The following LHPP variants were observed in gnomAD, a reference collection of about 807,000 sequenced individuals.
The protein encoded by LHPP is phospholysine phosphohistidine inorganic pyrophosphate phosphatase, also known as hLHPP.
A neutral mutation model predicts 30.3 loss-of-function variants in LHPP; 24 were observed. The ratio of observed to expected loss-of-function variants is 0.79; its 90% CI spans 0.57 to 1.11. LHPP has a LOEUF of 1.11. Ranked by LOEUF, LHPP falls within the 50% of genes most tolerant of loss-of-function variation. The pLI is 0.00. For missense variants in LHPP, 356 were observed against 367.2 expected (o/e 0.97, Z 0.25); for synonymous variants, 150 against 157.1 (o/e 0.95, Z 0.34).
intron 6 of LHPP, among the ~76,000 whole-genome samples, chr10:124,603,797 C>T (rs961526494): frequency 4.6e-5 from 7 of 152,218 alleles, no homozygotes; most frequent in Admixed American, 6.5e-5. Flanking sequence ...CGCTGGGCTC[C>T]GGGGCTCCAG....
At chr10:124,571,580 C>T (rs1948584608) in intron 6 of LHPP, among the ~76,000 whole-genome samples, 1 of 152,210 alleles carries the variant, frequency 6.6e-6, no homozygotes, top group African/African-American at 2.4e-5. Context: ...CAGCAAAGGG[C>T]AGAGCCCCCC....
chr10:124,487,530 C>T (rs1953374818), intron 2 of LHPP, among the ~76,000 whole-genome samples: 1 of 151,594 alleles, frequency 6.6e-6, no homozygotes. Flanking sequence ...GCAACCTCTG[C>T]CTCTCGGGTT....
At chr10:124,544,480 C>T (rs1955282358) in intron 6 of LHPP, among the ~76,000 whole-genome samples, 1 of 152,202 alleles carries the variant, frequency 6.6e-6, no homozygotes, top group African/African-American at 2.4e-5. Flanking sequence ...AAGTATGGGG[C>T]ATTGAGATCC....
At chr10:124,540,845 G>A (rs1256160718) in intron 6 of LHPP, among the ~76,000 whole-genome samples, 1 of 152,156 alleles carries the variant, frequency 6.6e-6, no homozygotes, top group East Asian at 1.9e-4. Flanking sequence ...AGATCTCCCG[G>A]GAGTTGGATC....
intron 6 of LHPP, among the ~76,000 whole-genome samples, chr10:124,547,458 A>G (rs1185426660): frequency 6.6e-6 from 1 of 152,074 alleles, no homozygotes; most frequent in Admixed American, 6.5e-5. Flanking sequence ...TCGTTCTCCC[A>G]CCCCCTGCCC....
At chr10:124,556,992 T>C (rs1948312344) in intron 6 of LHPP, among the ~76,000 whole-genome samples, 1 of 152,200 alleles carries the variant, frequency 6.6e-6, no homozygotes, top group African/African-American at 2.4e-5. Flanking sequence ...AGCCTGAAGA[T>C]GCTAGCAAAT....
chr10:124,520,124 C>T (rs887661782), intron 6 of LHPP, among the ~76,000 whole-genome samples: 10 of 152,068 alleles, frequency 6.6e-5, no homozygotes, highest in South Asian at 4.1e-4. Flanking sequence ...TGAGCCACCG[C>T]GCCCGGCCTC....
intron 1 of LHPP, among the ~76,000 whole-genome samples, chr10:124,471,439 ATATATATTTATATATT>A (rs1406921595): frequency 0.75 from 31,820 of 42,700 alleles, 11,934 homozygotes; most frequent in East Asian, 0.88. Flanking sequence ...TTTATATATT[ATATATATTTATATATT>A]TATATATATT....
chr10:124,593,179 G>C lies in LHPP; in HGVS notation c.717-20085G>C, dbSNP rs1265802357. On this transcript the variant is annotated intron_variant, in intron 6 of 6. Transcript: ENST00000368842. The surrounding 1 kb of genome is among the most constrained non-coding windows in gnomAD (Gnocchi z 4.9). Reference sequence around the variant, plus strand: ...GAAGACAGCACATGCCCCCTGCCCTGGTCCCTGGATTGCAAGTCCAGACAG... The same window carrying C: ...GAAGACAGCACATGCCCCCTGCCCTCGTCCCTGGATTGCAAGTCCAGACAG... 2.6e-5 allele frequency among the ~76,000 whole-genome samples: 4 copies of C among 151,804 alleles called. No individual in the cohort carries two copies. The highest frequency in any genetic ancestry group is 5.9e-5 in the Non-Finnish European group (4 of 67,930).
rs369643987 is a variant in LHPP, at chr10:124,592,340, C to T, written c.717-20924C>T. Among the ~76,000 whole-genome samples, 6 of 152,130 alleles carry T rather than the reference C, an allele frequency of 3.9e-5. No individual in the cohort carries two copies. Among genetic ancestry groups the T allele is most frequent in the Non-Finnish European group, 5.9e-5 (4 of 68,020 alleles). ...CCCATCACCCTCACTCACCCAGCCC[C>T]GGGCTGGCCCTGTCAGCTCTCGAAC... On this transcript the variant is annotated intron_variant, in intron 6 of 6. Coordinates refer to ENST00000368842, the MANE Select transcript of LHPP (RefSeq NM_022126.4). This position sits in a 1 kb window ranked among gnomAD's most constrained non-coding sequence, Gnocchi z 6.2.
intron 1 of LHPP, among the ~76,000 whole-genome samples, chr10:124,475,094 C>T (rs549534173): frequency 7.4e-4 from 97 of 131,814 alleles, no homozygotes; most frequent in Admixed American, 6.6e-4. Flanking sequence ...GCCATCTCAG[C>T]GCACTGCAAC....
intron 6 of LHPP, among the ~76,000 whole-genome samples, chr10:124,568,038 T>G (rs1796930784): frequency 6.6e-6 from 1 of 152,086 alleles, no homozygotes; most frequent in African/African-American, 2.4e-5. Context: ...TCAGCCTCCT[T>G]AGTAGGGGGG....
intron 6 of LHPP, among the ~76,000 whole-genome samples, chr10:124,572,756 G>A (rs1948606118): frequency 6.6e-6 from 1 of 151,220 alleles, no homozygotes; most frequent in South Asian, 2.1e-4. Context: ...AGGTGGGGAG[G>A]GCTCTGTTCA....
In LHPP at chr10:124,613,757, C is replaced by G. The variant is rs1432643365; in HGVS notation, c.*397C>G. 1 of 252,694 alleles carries G rather than the reference C, an allele frequency of 4.0e-6. No individual in the cohort carries two copies. Among genetic ancestry groups the G allele is most frequent in the African/African-American group, 2.2e-5 (1 of 45,364 alleles). The allele number at this position is 252,694 out of a possible 1,614,324, so 15.7% of individuals were successfully genotyped here. On this transcript the variant is annotated 3_prime_UTR_variant, in exon 7 of 7. Coordinates refer to ENST00000368842, the MANE Select transcript of LHPP (RefSeq NM_022126.4). ...CTCCACCTAACCAGATTCAGGGGCA[C>G]TATGCCCACTGCCTCCTCTTCAGAC... is the stretch of plus-strand genomic sequence containing the variant.
intron 6 of LHPP, among the ~76,000 whole-genome samples, chr10:124,589,839 C>A (rs947647730): frequency 3.9e-5 from 6 of 152,204 alleles, no homozygotes; most frequent in Non-Finnish European, 7.3e-5. Context: ...CTGCGTGCAG[C>A]CCCGTCCTCC....
At chr10:124,558,250 C>T (rs991602089) in intron 6 of LHPP, among the ~76,000 whole-genome samples, 1 of 152,182 alleles carries the variant, frequency 6.6e-6, no homozygotes, top group South Asian at 2.1e-4. Context: ...TGTGGCCTCC[C>T]TGAGTGGACG....
intron 6 of LHPP, among the ~76,000 whole-genome samples, chr10:124,603,289 CATGTG>C (rs1949050016): frequency 6.6e-6 from 1 of 152,188 alleles, no homozygotes; most frequent in South Asian, 2.1e-4. Context: ...ACACACATTC[CATGTG>C]TAGGGGCTCA....
chr10:124,589,019 G>A (rs1470902436), intron 6 of LHPP, among the ~76,000 whole-genome samples: 2 of 152,208 alleles, frequency 1.3e-5, no homozygotes, highest in Non-Finnish European at 2.9e-5. Context: ...CCCCAGCAGC[G>A]CGGCTGTGAG....
intron 6 of LHPP, among the ~76,000 whole-genome samples, chr10:124,611,822 C>G (rs1349034789): frequency 6.6e-6 from 1 of 152,068 alleles, no homozygotes; most frequent in African/African-American, 2.4e-5. Context: ...GAACCAACTT[C>G]AAGCACTTCC....
Sources: allele counts gnomAD v4.1 joint callset (sites outside exome capture counted in the v4.1 genomes callset), GRCh38; gene constraint gnomAD v4.1.1; non-coding constraint Gnocchi (gnomAD v3.1); transcripts MANE v1.5; gene names NCBI Gene and HGNC (gene_info 2026-07-23, HGNC 2026-07-21).